ATXN3: variants seen among roughly 807,000 people sequenced by gnomAD.
The protein encoded by ATXN3 is ataxin 3, also known as ataxin-3.
A neutral mutation model predicts 58.2 loss-of-function variants in ATXN3; 28 were observed. That is an observed-to-expected ratio of 0.48 (90% CI 0.36 to 0.66). The LOEUF (loss-of-function observed/expected upper bound fraction) is 0.66, where lower values mean the gene tolerates loss of function less well. ATXN3 is among the 30% of genes least tolerant of loss of function. The probability of loss-of-function intolerance (pLI) is 0.00; values close to 1 mark genes in which losing one functional copy is unlikely to be tolerated. For missense variants in ATXN3, 321 were observed against 422.1 expected (o/e 0.76, Z 2.10); for synonymous variants, 113 against 138.5 (o/e 0.82, Z 1.29).
At chr14:92,076,862 C>T (rs182003749) in intron 9 of ATXN3, among the ~76,000 whole-genome samples, 1 of 143,282 alleles carries the variant, frequency 7.0e-6, no homozygotes, top group Admixed American at 7.2e-5. Flanking sequence ...ATCGCTTAAA[C>T]TCAGGAGGCG....
At position 92,064,018 on chromosome 14, in the gene ATXN3, A is replaced by G. The variant is rs555522753; in HGVS notation, c.*302T>C. The stretch of plus-strand genomic sequence containing the variant: ...AGCTAATTAGCTAGTCTGCAAAAAG[A>G]TCCAAGAAAAATGCCCTAACTTTAG... On this transcript the variant is annotated 3_prime_UTR_variant, in exon 11 of 11. Transcript: ENST00000644486. 1 of 177,072 alleles carries G rather than the reference A, an allele frequency of 5.6e-6. No homozygotes were observed. The highest frequency in any genetic ancestry group is 2.4e-5 in the African/African-American group (1 of 42,378). The allele number at this position is 177,072 out of a possible 1,614,324, so 11.0% of individuals were successfully genotyped here. A position where few individuals can be genotyped will look rare whatever the true frequency, so the allele number is the denominator to read the frequency against.
At chr14:92,091,152 A>T (rs1228140432) in intron 5 of ATXN3, among the ~76,000 whole-genome samples, 1 of 152,032 alleles carries the variant, frequency 6.6e-6, no homozygotes, top group Non-Finnish European at 1.5e-5. Flanking sequence ...AAGAACTTTA[A>T]GAAAGAACCA....
chr14:92,054,572 A>C (rs2057458921), downstream of ATXN3, among the ~76,000 whole-genome samples: 1 of 152,208 alleles, frequency 6.6e-6, no homozygotes, highest in Admixed American at 6.5e-5. Context: ...GCATATCATC[A>C]AGAAATAACC....
At chr14:92,102,274 A>AGGAG (rs548488269) in intron 1 of ATXN3, among the ~76,000 whole-genome samples, 1 of 151,494 alleles carries the variant, frequency 6.6e-6, no homozygotes, top group African/African-American at 2.4e-5. Flanking sequence ...AAAGGAAGAA[A>AGGAG]GGAGGGAGGG....
chr14:92,064,622 T>C (rs1448771932), intron 10 of ATXN3, among the ~76,000 whole-genome samples: 1 of 152,108 alleles, frequency 6.6e-6, no homozygotes, highest in Non-Finnish European at 1.5e-5. Context: ...CCCCAGAAAA[T>C]TCCCCCATGC....
intron 2 of ATXN3, 43 bp from the exon 3 acceptor site, chr14:92,096,180 G>GTGGCC: frequency 1.6e-6 from 2 of 1,278,220 alleles, no homozygotes; most frequent in African/African-American, 1.5e-5. Flanking sequence ...TGGGGGTGGG[G>GTGGCC]AAAGAAGGAT....
chr14:92,086,126 G>A (rs561171480), intron 6 of ATXN3, among the ~76,000 whole-genome samples: 1 of 152,092 alleles, frequency 6.6e-6, no homozygotes, highest in East Asian at 1.9e-4. Flanking sequence ...ACTAAAAGAT[G>A]GCTAGGCAAG....
intron 1 of ATXN3, among the ~76,000 whole-genome samples, chr14:92,105,391 G>A (rs1477024759): frequency 6.6e-6 from 1 of 152,118 alleles, no homozygotes; most frequent in Non-Finnish European, 1.5e-5. Context: ...ACACCTGCCT[G>A]GGTGACAGAA....
chr14:92,076,367 G>A (rs1292526317), intron 9 of ATXN3, among the ~76,000 whole-genome samples: 1 of 150,082 alleles, frequency 6.7e-6, no homozygotes, highest in Non-Finnish European at 1.5e-5. Flanking sequence ...GGAATTGCTT[G>A]AACCAGGGAG....
chr14:92,053,107 G>C (rs1055832673), upstream of ATXN3, among the ~76,000 whole-genome samples: 7 of 152,134 alleles, frequency 4.6e-5, no homozygotes, highest in Admixed American at 3.9e-4. Flanking sequence ...CAAAAAAGCT[G>C]GGCATGGTGG....
intron 6 of ATXN3, among the ~76,000 whole-genome samples, chr14:92,083,727 T>C (rs2061883821): frequency 6.6e-6 from 1 of 152,198 alleles, no homozygotes; most frequent in Non-Finnish European, 1.5e-5. Flanking sequence ...ATCAACTTGA[T>C]TGGATTGAAG....
At chr14:92,093,542 G>A in intron 4 of ATXN3, 1 of 630,628 alleles carries the variant, frequency 1.6e-6, no homozygotes. Flanking sequence ...TCAGCTCTGT[G>A]CTGCCACAGA....
At chr14:92,071,133 G>A (rs774520337) in intron 9 of ATXN3, 80 bp from the exon 10 acceptor site, 22 of 1,506,978 alleles carry the variant, frequency 1.5e-5, no homozygotes, top group Non-Finnish European at 2.0e-5. Context: ...CTATTCATAA[G>A]GAAAATACAT....
Position 92,063,648 on chromosome 14 carries a change from C to T in ATXN3, c.*672G>A, listed in dbSNP as rs1232246452. On this transcript the variant is annotated 3_prime_UTR_variant, in exon 11 of 11. Transcript: ENST00000644486. ...CTGATTTCAGAGTTTAGGAACGCAC[C>T]AGTCATGAAATAATGATCCCATCGT... 1.3e-5 allele frequency: 2 copies of T among 152,134 alleles called. No individual in the cohort carries two copies. The highest frequency in any genetic ancestry group is 2.9e-5 in the Non-Finnish European group (2 of 68,012). The allele number at this position is 152,134 out of a possible 1,614,324, so 9.4% of individuals were successfully genotyped here.
Position 92,073,770 on chromosome 14 carries a change from C to T in ATXN3, c.873-2717G>A, listed in dbSNP as rs563603966. 1.3e-3 allele frequency among the ~76,000 whole-genome samples: 190 copies of T among 151,702 alleles called. 1 individual carries two copies. Among genetic ancestry groups the T allele is most frequent in the Non-Finnish European group, 2.2e-3 (149 of 67,882 alleles). ...AGGAGAATTGCTTGAACCCGGGAGGCGGAGGTTGTAGTGAGCCCAGATCAT... is the reference window on the plus strand; with the variant it reads ...AGGAGAATTGCTTGAACCCGGGAGGTGGAGGTTGTAGTGAGCCCAGATCAT... On this transcript the variant is annotated intron_variant, in intron 9 of 10. Coordinates refer to ENST00000644486, the MANE Select transcript of ATXN3 (RefSeq NM_004993.6).
At chr14:92,102,665 G>A (rs2067112576) in intron 1 of ATXN3, among the ~76,000 whole-genome samples, 1 of 152,192 alleles carries the variant, frequency 6.6e-6, no homozygotes, top group South Asian at 2.1e-4. Flanking sequence ...GCAATGGCCA[G>A]TACTTCTACA....
At chr14:92,093,531 G>T in intron 4 of ATXN3, 1 of 625,302 alleles carries the variant, frequency 1.6e-6, no homozygotes, top group Non-Finnish European at 2.8e-6. Flanking sequence ...CACTTATGGG[G>T]TCAGCTCTGT....
chr14:92,059,155 A>ACTAATTCTT lies in ATXN3; in HGVS notation c.*5156_*5164dup. On this transcript the variant is annotated 3_prime_UTR_variant, in exon 11 of 11. Transcript: ENST00000644486. Reference sequence around the variant, plus strand: ...CAAATTTAGAAGTTACGTTATTAGCACTAATTCTTAAAATGCCAGACCACT... The same window carrying ACTAATTCTT: ...CAAATTTAGAAGTTACGTTATTAGCACTAATTCTTCTAATTCTTAAAATGCCAGACCACT... The ACTAATTCTT allele has an allele frequency of 6.6e-6, 1 of 152,320 alleles. No individual in the cohort carries two copies. The highest frequency in any genetic ancestry group is 1.9e-4 in the East Asian group (1 of 5,192). The allele number at this position is 152,320 out of a possible 1,614,324, so 9.4% of individuals were successfully genotyped here. A position where few individuals can be genotyped will look rare whatever the true frequency, so the allele number is the denominator to read the frequency against.
chr14:92,097,282 C>G (rs1399063823), intron 1 of ATXN3, among the ~76,000 whole-genome samples: 2 of 150,110 alleles, frequency 1.3e-5, no homozygotes. Context: ...GGCTGGAGTG[C>G]AGTGGAGCAA....
Sources: allele counts gnomAD v4.1 joint callset (sites outside exome capture counted in the v4.1 genomes callset), GRCh38; gene constraint gnomAD v4.1.1; transcripts MANE v1.5; gene names NCBI Gene and HGNC (gene_info 2026-07-23, HGNC 2026-07-21).